HTR4: variants seen among roughly 807,000 people sequenced by gnomAD.
HTR4 encodes the protein 5-hydroxytryptamine (serotonin) receptor 4, G protein-coupled.
In HTR4, 16 loss-of-function variants were observed where a neutral mutation model predicts 36.8. That is an observed-to-expected ratio of 0.43 (90% CI 0.29 to 0.66). The LOEUF is 0.66. Ranked by LOEUF, HTR4 falls within the 30% of genes least tolerant of loss-of-function variation. The pLI is 0.13. For synonymous variants in HTR4, 189 were observed against 185.1 expected (o/e 1.02, Z -0.17); for missense variants, 438 against 490.9 (o/e 0.89, Z 1.02).
intron 5 of HTR4, among the ~76,000 whole-genome samples, chr5:148,454,126 T>C (rs561750220): frequency 5.1e-4 from 77 of 152,306 alleles, no homozygotes; most frequent in African/African-American, 1.6e-3. Flanking sequence ...GCAAACCTAG[T>C]TCCCATTCAG....
intron 4 of HTR4, among the ~76,000 whole-genome samples, chr5:148,535,655 CT>C (rs1190790807): frequency 1.3e-5 from 2 of 152,090 alleles, no homozygotes; most frequent in African/African-American, 4.8e-5. Flanking sequence ...AAGATTGTCT[CT>C]CTAAAATAAG....
intron 5 of HTR4, among the ~76,000 whole-genome samples, chr5:148,463,368 G>C (rs1216142606): frequency 6.6e-6 from 1 of 151,030 alleles, no homozygotes; most frequent in Non-Finnish European, 1.5e-5. Flanking sequence ...TTTTAGTAGA[G>C]ATGGGGTTTC....
At chr5:148,463,453 T>A (rs1755339360) in intron 5 of HTR4, among the ~76,000 whole-genome samples, 1 of 152,098 alleles carries the variant, frequency 6.6e-6, no homozygotes, top group Non-Finnish European at 1.5e-5. Flanking sequence ...GTGATGGGAT[T>A]ACAGGCATGA....
intron 2 of HTR4, among the ~76,000 whole-genome samples, chr5:148,634,837 G>T (rs986410777): frequency 4.6e-5 from 7 of 151,990 alleles, no homozygotes; most frequent in Non-Finnish European, 7.4e-5. Context: ...CTTTTCCTGG[G>T]CTAGAAACCC....
At position 148,482,535 on chromosome 5, in the gene HTR4, G is replaced by A. The variant is rs201865311; in HGVS notation, c.*668C>T. 1.0e-6 allele frequency: 1 copy of A among 985,700 alleles called. No individual in the cohort carries two copies. 61.1% of individuals were successfully genotyped at this position (985,700 alleles called of 1,614,324 possible). ...CTGTGTCTTCCATGGAAAATAAATGGAGCATGTCCTGAAGAGGAGGACAGA... is the reference window on the plus strand; with the variant it reads ...CTGTGTCTTCCATGGAAAATAAATGAAGCATGTCCTGAAGAGGAGGACAGA... On this transcript the variant is annotated 3_prime_UTR_variant, in exon 7 of 7. Transcript: ENST00000377888.
chr5:148,574,499 C>T (rs953569069), intron 2 of HTR4, among the ~76,000 whole-genome samples: 1 of 151,924 alleles, frequency 6.6e-6, no homozygotes, highest in African/African-American at 2.4e-5. Context: ...CCTATTTAAT[C>T]CACAAAATTC....
Position 148,561,219 on chromosome 5 carries a change from G to A in HTR4, c.27-10957C>T, listed in dbSNP as rs1760190201. Among the ~76,000 whole-genome samples, 3 of 151,954 alleles carry A rather than the reference G, an allele frequency of 2.0e-5. No individual in the cohort carries two copies. In the South Asian group the frequency reaches 6.2e-4, roughly 32 times the overall value. On this transcript the variant is annotated intron_variant, in intron 2 of 6. Transcript: ENST00000377888. ...AGAACCTCAAATATCACACATACTG[G>A]GCATGAAACAAACTTCAAAGCCCAA...
chr5:148,638,872 T>A (rs1172063363), intron 1 of HTR4, among the ~76,000 whole-genome samples: 1 of 151,908 alleles, frequency 6.6e-6, no homozygotes, highest in East Asian at 1.9e-4. Context: ...CTGGGCAACG[T>A]GGCAAAACCC....
At chr5:148,612,144 C>A (rs971588252) in intron 2 of HTR4, among the ~76,000 whole-genome samples, 7 of 152,036 alleles carry the variant, frequency 4.6e-5, no homozygotes, top group African/African-American at 4.8e-5. Flanking sequence ...ACAAGGATAC[C>A]CAGGAATTAA....
chr5:148,560,208 A>ATT (rs1760142423), intron 2 of HTR4, among the ~76,000 whole-genome samples: 3 of 115,208 alleles, frequency 2.6e-5, no homozygotes, highest in Non-Finnish European at 5.5e-5. Context: ...TTTTTTTTAA[A>ATT]AAAAAAAAAA....
rs147276186 is a variant in HTR4, at chr5:148,636,028, T to G, written c.26+961A>C. Among the ~76,000 whole-genome samples the G allele has an allele frequency of 2.6e-5, 4 of 152,292 alleles. No individual in the cohort carries two copies. The East Asian group carries it at 7.7e-4, about 29-fold the overall frequency. The stretch of plus-strand genomic sequence containing the variant: ...ACAATGACAAACTGATCAACATCTC[T>G]TTATTAAATACCCACCATGTACCAG... On this transcript the variant is annotated intron_variant, in intron 2 of 6. Transcript: ENST00000377888.
chr5:148,606,949 A>T (rs191234949), intron 2 of HTR4, among the ~76,000 whole-genome samples: 4 of 152,316 alleles, frequency 2.6e-5, no homozygotes, highest in African/African-American at 9.6e-5. Context: ...TTTAATTGGT[A>T]ATTGTTTTAT....
intron 6 of HTR4, among the ~76,000 whole-genome samples, chr5:148,496,755 A>C (rs1434470715): frequency 1.3e-5 from 2 of 152,206 alleles, no homozygotes; most frequent in Admixed American, 6.5e-5. Context: ...AGTGATGACA[A>C]GGAAACTGTT....
chr5:148,614,907 G>A (rs1270570075), intron 2 of HTR4, among the ~76,000 whole-genome samples: 3 of 152,074 alleles, frequency 2.0e-5, no homozygotes, highest in South Asian at 2.1e-4. Context: ...AGACATTTAT[G>A]TAGCCAAAAA....
intron 2 of HTR4, among the ~76,000 whole-genome samples, chr5:148,562,102 C>T (rs1403764127): frequency 1.3e-5 from 2 of 152,174 alleles, no homozygotes; most frequent in Non-Finnish European, 2.9e-5. Flanking sequence ...GCCATTGGGC[C>T]GAATCCAGCC....
chr5:148,469,426 A>G (rs1422651466), intron 5 of HTR4, among the ~76,000 whole-genome samples: 2 of 152,180 alleles, frequency 1.3e-5, no homozygotes, highest in Non-Finnish European at 2.9e-5. Context: ...ACCAAATAAT[A>G]AAACGGTTCT....
chr5:148,575,424 G>A (rs546611167), intron 2 of HTR4, among the ~76,000 whole-genome samples: 1 of 152,020 alleles, frequency 6.6e-6, no homozygotes, highest in South Asian at 2.1e-4. Context: ...AACAAAATTG[G>A]ATTAGGAATA....
intron 3 of HTR4, 132 bp downstream of exon 3, chr5:148,550,005 A>G: frequency 1.1e-6 from 1 of 916,622 alleles, no homozygotes; most frequent in Non-Finnish European, 1.6e-6. Flanking sequence ...CTCCCCTTTT[A>G]TTTTTAAAAT....
chr5:148,561,556 T>A (rs940962458), intron 2 of HTR4, among the ~76,000 whole-genome samples: 2 of 152,224 alleles, frequency 1.3e-5, no homozygotes, highest in African/African-American at 2.4e-5. Context: ...GAGATAGATT[T>A]CTTTTCTTTA....
Sources: gnomAD v4.1 joint callset for allele counts (sites outside exome capture counted in the v4.1 genomes callset) on GRCh38, gnomAD v4.1.1 for gene constraint, MANE v1.5 for transcripts, NCBI Gene and HGNC (gene_info 2026-07-23, HGNC 2026-07-21) for gene names.